Variants in PHETA1 observed in about 807,000 individuals in gnomAD.
The protein encoded by PHETA1 is PH domain containing endocytic trafficking adaptor 1.
For missense variants in PHETA1, 348 were observed against 373.5 expected (o/e 0.93, Z 0.56); for synonymous variants, 155 against 168.9 (o/e 0.92, Z 0.64).
Position 111,363,262 on chromosome 12 carries a change from C to T in PHETA1, c.166G>A (p.Glu56Lys), listed in dbSNP as rs370158687. ...LFYFEDAASR[E>K]PVGVIILEGC... ...TCCAGGATGATGACGCCCACGGGCTCACGGCTGGCAGCGTCCTCGAAGTAG... is the reference window on the plus strand; with the variant it reads ...TCCAGGATGATGACGCCCACGGGCTTACGGCTGGCAGCGTCCTCGAAGTAG... Residue 56 changes from glutamate to lysine, a missense_variant, in exon 3 of 3, where the codon GAG becomes AAG. By Grantham distance (56) the Glu-to-Lys change is moderately conservative (BLOSUM62 1). Coordinates refer to ENST00000683047, the MANE Select transcript of PHETA1 (RefSeq NM_144671.6). This position sits in a 1 kb window ranked among gnomAD's most constrained non-coding sequence, Gnocchi z 7.4. The T allele has an allele frequency of 1.1e-5, 17 of 1,613,084 alleles. No homozygotes were observed. The highest frequency in any genetic ancestry group is 1.4e-5 in the Non-Finnish European group (17 of 1,179,936).
At position 111,362,995 on chromosome 12, in the gene PHETA1, A is replaced by G. The variant is rs753656978; in HGVS notation, c.433T>C (p.Ser145Pro). 20 of 1,488,104 alleles carry G rather than the reference A, an allele frequency of 1.3e-5. No individual in the cohort carries two copies. The Admixed American group carries it at 2.6e-4, about 19-fold the overall frequency. 92.2% of individuals were successfully genotyped at this position (1,488,104 alleles called of 1,614,324 possible). Residue 145 changes from serine (S) to proline (P), a missense_variant, in exon 3 of 3, where the codon TCC becomes CCC. By Grantham distance (74) the Ser-to-Pro change is moderately conservative. Transcript: ENST00000683047. ...GGCAGGGACGGGGGCAAGGGCAGGG[A>G]CTGGGGCTGGGGCTGGGGCAGGGCC... ...GMALPQPQPQ[S>P]LPLPPSLPSA...
chr12:111,366,623 T>C (rs904740593), intron 1 of PHETA1, among the ~76,000 whole-genome samples: 1 of 152,120 alleles, frequency 6.6e-6, no homozygotes. Flanking sequence ...TCCCTGTCCA[T>C]GTTCCTCAAG....
rs1453248994 is a variant in PHETA1, at chr12:111,362,592, G to A, written c.*86C>T. On this transcript the variant is annotated 3_prime_UTR_variant, in exon 3 of 3. Transcript: ENST00000683047. Reference sequence around the variant, plus strand: ...CAGCCTTGCCCATGATTTCCCTCAGGATCTGCTCCCCCAGTCTCTCCAGGA... The same window carrying A: ...CAGCCTTGCCCATGATTTCCCTCAGAATCTGCTCCCCCAGTCTCTCCAGGA... 7 of 1,542,058 alleles carry A rather than the reference G, an allele frequency of 4.5e-6. No homozygotes were observed. The highest frequency in any genetic ancestry group is 3.6e-5 in the South Asian group (3 of 83,326).
At chr12:111,364,271 C>T (rs1868883536) in intron 2 of PHETA1, among the ~76,000 whole-genome samples, 1 of 151,248 alleles carries the variant, frequency 6.6e-6, no homozygotes. Flanking sequence ...CACCTAAACC[C>T]AGGAGGCGGA....
chr12:111,365,939 G>A (rs956324526), intron 2 of PHETA1, among the ~76,000 whole-genome samples, 174 bp downstream of exon 2: 1 of 152,186 alleles, frequency 6.6e-6, no homozygotes, highest in Non-Finnish European at 1.5e-5. Flanking sequence ...CAAGGCCAGA[G>A]CCCCCAAAGT....
Position 111,368,850 on chromosome 12 carries a change from C to T in PHETA1, c.-182+62G>A, listed in dbSNP as rs1055655482. The T allele has an allele frequency of 1.3e-5, 2 of 152,406 alleles. No homozygotes were observed. 9.4% of individuals were successfully genotyped at this position (152,406 alleles called of 1,614,324 possible). A position where few individuals can be genotyped will look rare whatever the true frequency, so the allele number is the denominator to read the frequency against. Reference sequence around the variant, plus strand: ...CCAGGTGGCCGGGGGACCCCGAGGCCCAGGGCGGCCCGACCCGGGTCCCAT... The same window carrying T: ...CCAGGTGGCCGGGGGACCCCGAGGCTCAGGGCGGCCCGACCCGGGTCCCAT... On this transcript the variant is annotated intron_variant, in intron 1 of 2. Transcript: ENST00000683047. This position sits in a 1 kb window ranked among gnomAD's most constrained non-coding sequence, Gnocchi z 5.0.
chr12:111,365,459 G>A (rs1868971549), intron 2 of PHETA1: 1 of 455,706 alleles, frequency 2.2e-6, no homozygotes, highest in African/African-American at 2.0e-5. Flanking sequence ...GTCAGGGAAG[G>A]CTTCCTAGAA....
Position 111,360,852 on chromosome 12 carries a change from C to G in PHETA1, c.*1826G>C, listed in dbSNP as rs1042795592. The G allele has an allele frequency of 2.6e-5, 4 of 152,700 alleles. No individual in the cohort carries two copies. The highest frequency in any genetic ancestry group is 7.2e-5 in the African/African-American group (3 of 41,446). 9.5% of individuals were successfully genotyped at this position (152,700 alleles called of 1,614,324 possible). On this transcript the variant is annotated 3_prime_UTR_variant, in exon 3 of 3. Coordinates refer to ENST00000683047, the MANE Select transcript of PHETA1 (RefSeq NM_144671.6). Reference sequence around the variant, plus strand: ...CAACGTACCTTGAGAGTCTGTAAACCTACGCCAGGACTGGGGTTAACACCC... The same window carrying G: ...CAACGTACCTTGAGAGTCTGTAAACGTACGCCAGGACTGGGGTTAACACCC...
At chr12:111,365,566 T>C (rs1473930017) in intron 2 of PHETA1, 1 of 455,318 alleles carries the variant, frequency 2.2e-6, no homozygotes, top group South Asian at 1.6e-5. Flanking sequence ...ATACACACCA[T>C]GGAAAACTAT....
Position 111,363,363 on chromosome 12 carries a change from C to A in PHETA1, c.65G>T (p.Gly22Val). The stretch of plus-strand genomic sequence containing the variant: ...CCGCCCACCCTTCTTGTACAGGAAG[C>A]CTGCATTGTCCACCGGGGCGTCACA... ...ATCDAPVDNA[G>V]FLYKKGGRHA... is the part of the protein sequence containing the mutation. The change falls in exon 3 of 3, where the codon GGC becomes GTC. Residue 22 changes from glycine (G) to valine (V), a missense_variant. Coordinates refer to ENST00000683047, the MANE Select transcript of PHETA1 (RefSeq NM_144671.6). The surrounding 1 kb of genome is among the most constrained non-coding windows in gnomAD (Gnocchi z 7.4). The A allele has an allele frequency of 6.2e-7, 1 of 1,613,092 alleles. No homozygotes were observed. Among genetic ancestry groups the A allele is most frequent in the Non-Finnish European group, 8.5e-7 (1 of 1,179,952 alleles).
At position 111,361,816 on chromosome 12, in the gene PHETA1, C is replaced by G. The variant is rs1868621491; in HGVS notation, c.*862G>C. On this transcript the variant is annotated 3_prime_UTR_variant, in exon 3 of 3. Coordinates refer to ENST00000683047, the MANE Select transcript of PHETA1 (RefSeq NM_144671.6). ...GGGGGAACCTGCTAGAAGGTCACCTCGGGCCATGGCTACCCAGCCCAGGAA... is the reference window on the plus strand; with the variant it reads ...GGGGGAACCTGCTAGAAGGTCACCTGGGGCCATGGCTACCCAGCCCAGGAA... 1 of 448,416 alleles carries G rather than the reference C, an allele frequency of 2.2e-6. No homozygotes were observed. The highest frequency in any genetic ancestry group is 2.0e-5 in the African/African-American group (1 of 49,788). 27.8% of individuals were successfully genotyped at this position (448,416 alleles called of 1,614,324 possible). A position where few individuals can be genotyped will look rare whatever the true frequency, so the allele number is the denominator to read the frequency against.
rs781065639 is a variant in PHETA1 at position 111,363,465 on chromosome 12, T to C, written c.-36-2A>G. 6.3e-7 allele frequency: 1 copy of C among 1,593,856 alleles called. No individual in the cohort carries two copies. The highest frequency in any genetic ancestry group is 1.7e-5 in the Admixed American group (1 of 58,516). ...GGGGCCTGGAGGGGAGCCTGGGGCC[T>C]GGACCCCATAGAAGGGCTGTTATGC... On this transcript the variant is annotated splice_acceptor_variant, in intron 2 of 2. Coordinates refer to ENST00000683047, the MANE Select transcript of PHETA1 (RefSeq NM_144671.6). LOFTEE classifies it low-confidence loss of function (5UTR_SPLICE). The surrounding 1 kb of genome is among the most constrained non-coding windows in gnomAD (Gnocchi z 7.4).
Position 111,363,909 on chromosome 12 carries a change from G to A in PHETA1, c.-36-446C>T, listed in dbSNP as rs144009871. 8.5e-5 allele frequency among the ~76,000 whole-genome samples: 13 copies of A among 152,280 alleles called. No individual in the cohort carries two copies. The highest frequency in any genetic ancestry group is 2.1e-4 in the South Asian group (1 of 4,818). ...TCCAAACCCAGGCCTCATTTCAGGC[G>A]CTGCTGTTTCCATCATCCCAAGAAC... On this transcript the variant is annotated intron_variant, in intron 2 of 2. Transcript: ENST00000683047. This position sits in a 1 kb window ranked among gnomAD's most constrained non-coding sequence, Gnocchi z 7.4.
At position 111,363,251 on chromosome 12, in the gene PHETA1, G is replaced by A. The variant is rs200982264; in HGVS notation, c.177C>T (p.Gly59=). The A allele has an allele frequency of 1.9e-4, 302 of 1,613,250 alleles. 3 individuals carry two copies. Among genetic ancestry groups the A allele is most frequent in the Admixed American group, 1.6e-3 (96 of 60,008 alleles). The stretch of plus-strand genomic sequence containing the variant: ...CAGTGCAGCCCTCCAGGATGATGAC[G>A]CCCACGGGCTCACGGCTGGCAGCGT... ...FEDAASREPV[G]VIILEGCTVE... The change falls in exon 3 of 3, where the codon GGC becomes GGT. Residue 59 remains glycine, a synonymous_variant. Coordinates refer to ENST00000683047, the MANE Select transcript of PHETA1 (RefSeq NM_144671.6). The surrounding 1 kb of genome is among the most constrained non-coding windows in gnomAD (Gnocchi z 7.4).
At chr12:111,364,218 G>A (rs1868878565) in intron 2 of PHETA1, among the ~76,000 whole-genome samples, 1 of 151,914 alleles carries the variant, frequency 6.6e-6, no homozygotes, top group Non-Finnish European at 1.5e-5. Context: ...GTGGTGGCGG[G>A]CGCCTGTAAT....
In PHETA1 at chr12:111,362,712, CGCAGGGCCCGGATCTCCTGGCCAT is replaced by C; in HGVS notation, c.692_715del (p.Tyr231_Arg239delinsCys). On this transcript the variant is annotated inframe_deletion, in exon 3 of 3. Coordinates refer to ENST00000683047, the MANE Select transcript of PHETA1 (RefSeq NM_144671.6). ...GACCCGGCTGCTGAGCCACTGGCCACGCAGGGCCCGGATCTCCTGGCCATAGCACTCGTGCAGCCGGGCGAAGGG... is the reference window on the plus strand; with the variant it reads ...GACCCGGCTGCTGAGCCACTGGCCACAGCACTCGTGCAGCCGGGCGAAGGG... 3 of 1,548,070 alleles carry C rather than the reference CGCAGGGCCCGGATCTCCTGGCCAT, an allele frequency of 1.9e-6. No homozygotes were observed. Among genetic ancestry groups the C allele is most frequent in the Non-Finnish European group, 2.6e-6 (3 of 1,146,824 alleles).
At chr12:111,364,791 G>A (rs559233435) in intron 2 of PHETA1, among the ~76,000 whole-genome samples, 26 of 151,884 alleles carry the variant, frequency 1.7e-4, no homozygotes, top group Admixed American at 3.9e-4. Context: ...AGCCAGGCAT[G>A]GTGGGGGGTG....
rs1869155767 is a variant in PHETA1, at chr12:111,368,380, C to G, written c.-182+532G>C. Among the ~76,000 whole-genome samples, 1 of 152,188 alleles carries G rather than the reference C, an allele frequency of 6.6e-6. No homozygotes were observed. The highest frequency in any genetic ancestry group is 6.5e-5 in the Admixed American group (1 of 15,280). On this transcript the variant is annotated intron_variant, in intron 1 of 2. Coordinates refer to ENST00000683047, the MANE Select transcript of PHETA1 (RefSeq NM_144671.6). This position sits in a 1 kb window ranked among gnomAD's most constrained non-coding sequence, Gnocchi z 5.0. ...GGTCCTGGGGTTGAATCCAGCTGCCCTCAGTGTCCCCCAGCAGCGGGCGTG... is the reference window on the plus strand; with the variant it reads ...GGTCCTGGGGTTGAATCCAGCTGCCGTCAGTGTCCCCCAGCAGCGGGCGTG...
At chr12:111,364,877 G>A (rs946442648) in intron 2 of PHETA1, among the ~76,000 whole-genome samples, 3 of 151,994 alleles carry the variant, frequency 2.0e-5, no homozygotes, top group Admixed American at 6.6e-5. Flanking sequence ...GCAGTCAGCC[G>A]AGATTGCACT....
Sources: gnomAD v4.1 joint callset for allele counts (sites outside exome capture counted in the v4.1 genomes callset) on GRCh38, gnomAD v4.1.1 for gene constraint, Gnocchi (gnomAD v3.1) non-coding constraint, MANE v1.5 for transcripts, NCBI Gene and HGNC (gene_info 2026-07-23, HGNC 2026-07-21) for gene names.